CBL: variants seen among roughly 807,000 people sequenced by gnomAD.
CBL encodes E3 ubiquitin-protein ligase CBL.
In CBL, 45 loss-of-function variants were observed where a neutral mutation model predicts 96.9. The ratio of observed to expected loss-of-function variants is 0.46; its 90% CI spans 0.37 to 0.60. CBL has a LOEUF of 0.60. CBL is among the 20% of genes least tolerant of loss of function. The pLI is 0.00. For synonymous variants in CBL, 420 were observed against 426.8 expected (o/e 0.98, Z 0.20); for missense variants, 1,024 against 1,143.5 (o/e 0.90, Z 1.51).
intron 12 of CBL, among the ~76,000 whole-genome samples, chr11:119,295,077 TGTA>T (rs991113463): frequency 6.6e-6 from 1 of 152,226 alleles, no homozygotes; most frequent in African/African-American, 2.4e-5. Flanking sequence ...ACAGATCTAT[TGTA>T]GTAGAAGCAG....
chr11:119,245,167 C>A (rs1208986048), intron 2 of CBL, among the ~76,000 whole-genome samples: 1 of 130,550 alleles, frequency 7.7e-6, no homozygotes, highest in African/African-American at 2.8e-5. Context: ...CCACCTTGCC[C>A]GACCAGTTTT....
In CBL at chr11:119,278,024, G is replaced by T. The variant is rs776093392; in HGVS notation, c.1096-142G>T. On this transcript the variant is annotated intron_variant, in intron 7 of 15. Coordinates refer to ENST00000264033, the MANE Select transcript of CBL (RefSeq NM_005188.4). ...TAGGACCCAGACTAGATGCTTTCTG[G>T]TTTAATAAAAAATAAACCACTGTTG... The T allele has an allele frequency of 6.7e-6, 6 of 897,310 alleles. No homozygotes were observed. In the South Asian group the frequency reaches 8.0e-5, roughly 12 times the overall value. 55.6% of individuals were successfully genotyped at this position (897,310 alleles called of 1,614,324 possible).
At chr11:119,281,928 AT>A (rs1387363677) in intron 9 of CBL, among the ~76,000 whole-genome samples, 2 of 152,044 alleles carry the variant, frequency 1.3e-5, no homozygotes, top group African/African-American at 4.8e-5. Flanking sequence ...CTATTTGGAT[AT>A]TTATGTCCTT....
At chr11:119,225,158 G>A (rs557029427) in intron 1 of CBL, among the ~76,000 whole-genome samples, 52 of 151,876 alleles carry the variant, frequency 3.4e-4, no homozygotes, top group African/African-American at 8.9e-4. Context: ...GTGCAGTGGC[G>A]TGATCTCGGC....
At chr11:119,245,875 CTGT>C (rs751393086) in intron 2 of CBL, among the ~76,000 whole-genome samples, 126 of 144,072 alleles carry the variant, frequency 8.7e-4, no homozygotes, top group Non-Finnish European at 5.4e-4. Flanking sequence ...GCTGGAATTT[CTGT>C]TGTTATAAAT....
chr11:119,299,626 C>T lies in CBL; in HGVS notation c.2566C>T (p.Gln856Ter). 1 of 1,614,232 alleles carries T rather than the reference C, an allele frequency of 6.2e-7. No individual in the cohort carries two copies. The highest frequency in any genetic ancestry group is 8.5e-7 in the Non-Finnish European group (1 of 1,180,034). The change falls in exon 16 of 16, where the codon CAG becomes TAG. Residue 856 changes from glutamine to a stop codon, truncating the protein, a stop_gained. Transcript: ENST00000264033. LOFTEE classifies it high-confidence loss of function. ...PAASAATASP[Q>*]LSSEIENLMS... ...CGCCTCTGCTGCCACCGCCTCACCT[C>T]AGCTCTCCAGTGAGATCGAGAACCT...
Position 119,301,013 on chromosome 11 carries a change from C to G in CBL, c.*1232C>G, listed in dbSNP as rs1471495091. 1 of 233,586 alleles carries G rather than the reference C, an allele frequency of 4.3e-6. No individual in the cohort carries two copies. The highest frequency in any genetic ancestry group is 2.2e-5 in the African/African-American group (1 of 45,328). 14.5% of individuals were successfully genotyped at this position (233,586 alleles called of 1,614,324 possible). On this transcript the variant is annotated 3_prime_UTR_variant, in exon 16 of 16. Coordinates refer to ENST00000264033, the MANE Select transcript of CBL (RefSeq NM_005188.4). ...TTCAGCAGTGGTTTTTTCCTTTGCC[C>G]TTTAAGGAGTGGGGATAATGTCCAC...
intron 6 of CBL, among the ~76,000 whole-genome samples, chr11:119,277,239 G>GCACACACACACACACACA (rs112214824): frequency 0.012 from 1,614 of 138,258 alleles, 46 homozygotes; most frequent in African/African-American, 0.038. Context: ...AGAATCTGTC[G>GCACACACACACACACACA]CGCACACACA....
intron 2 of CBL, among the ~76,000 whole-genome samples, chr11:119,266,028 A>AG (rs1949800788): frequency 6.6e-6 from 1 of 150,670 alleles, no homozygotes; most frequent in Non-Finnish European, 1.5e-5. Context: ...CAAAAAAAAA[A>AG]AAAAAAAGAA....
rs372659827 is a variant in CBL, at chr11:119,273,156, C to A, written c.591-712C>A. ...GCTAATTTGCAGAGACAGGATTTTG[C>A]TGTGTTACCCAGGCTGGTCTCGAAG... On this transcript the variant is annotated intron_variant, in intron 3 of 15. Coordinates refer to ENST00000264033, the MANE Select transcript of CBL (RefSeq NM_005188.4). Among the ~76,000 whole-genome samples the A allele has an allele frequency of 2.6e-5, 4 of 152,214 alleles. No homozygotes were observed. In the East Asian group the frequency reaches 5.8e-4, roughly 22 times the overall value.
In CBL at chr11:119,305,032, T is replaced by G. The variant is rs1950125191; in HGVS notation, c.*5251T>G. On this transcript the variant is annotated 3_prime_UTR_variant, in exon 16 of 16. Coordinates refer to ENST00000264033, the MANE Select transcript of CBL (RefSeq NM_005188.4). ...GGAGAGCAGAGATGTGGCAGGCTCCTTCAGCTGGAGACAGGGAGCTTCTCA... is the reference window on the plus strand; with the variant it reads ...GGAGAGCAGAGATGTGGCAGGCTCCGTCAGCTGGAGACAGGGAGCTTCTCA... 4.6e-6 allele frequency: 1 copy of G among 215,270 alleles called. No homozygotes were observed. 13.3% of individuals were successfully genotyped at this position (215,270 alleles called of 1,614,324 possible). A position where few individuals can be genotyped will look rare whatever the true frequency, so the allele number is the denominator to read the frequency against.
At chr11:119,245,289 T>G (rs374566685) in intron 2 of CBL, among the ~76,000 whole-genome samples, 8 of 152,100 alleles carry the variant, frequency 5.3e-5, no homozygotes, top group Non-Finnish European at 8.8e-5. Flanking sequence ...TAAAAATTTT[T>G]TGAGGACCTC....
intron 9 of CBL, among the ~76,000 whole-genome samples, chr11:119,279,944 TGTGCAG>T (rs1949920831): frequency 6.6e-6 from 1 of 152,218 alleles, no homozygotes; most frequent in Non-Finnish European, 1.5e-5. Context: ...AAAGGACATA[TGTGCAG>T]GTGAAACACT....
chr11:119,285,690 T>C, intron 11 of CBL, 124 bp downstream of exon 11: 1 of 1,079,704 alleles, frequency 9.3e-7, no homozygotes, highest in Non-Finnish European at 1.4e-6. Flanking sequence ...GAGCCGAGGA[T>C]TTCGAGACCA....
chr11:119,295,741 C>T (rs745311368), intron 12 of CBL, among the ~76,000 whole-genome samples: 11 of 152,006 alleles, frequency 7.2e-5, no homozygotes, highest in African/African-American at 1.7e-4. Context: ...ACTGTCCTCC[C>T]GCCATCTCAT....
chr11:119,233,569 C>T (rs1488447397), intron 2 of CBL, among the ~76,000 whole-genome samples: 2 of 152,144 alleles, frequency 1.3e-5, no homozygotes, highest in African/African-American at 4.8e-5. Flanking sequence ...AAACTATAGG[C>T]TATCCTGCAT....
At chr11:119,275,692 A>G (rs552749818) in intron 5 of CBL, among the ~76,000 whole-genome samples, 43 of 151,148 alleles carry the variant, frequency 2.8e-4, no homozygotes, top group Non-Finnish European at 5.5e-4. Context: ...GCGAAACCCC[A>G]TCTCTACTAA....
intron 12 of CBL, among the ~76,000 whole-genome samples, chr11:119,295,482 G>A (rs1326854268): frequency 6.6e-6 from 1 of 152,078 alleles, no homozygotes. Flanking sequence ...AGCATTTTGG[G>A]AGGCTGGGGC....
intron 12 of CBL, among the ~76,000 whole-genome samples, chr11:119,295,961 A>G (rs1460671412): frequency 6.6e-6 from 1 of 152,204 alleles, no homozygotes; most frequent in East Asian, 1.9e-4. Flanking sequence ...TCTTAAGTGG[A>G]TATTTCCCAT....
Sources: gnomAD v4.1 joint callset for allele counts (sites outside exome capture counted in the v4.1 genomes callset) on GRCh38, gnomAD v4.1.1 for gene constraint, MANE v1.5 for transcripts, NCBI Gene and HGNC (gene_info 2026-07-23, HGNC 2026-07-21) for gene names.